The following ANXA2 variants were observed in gnomAD, a reference collection of about 807,000 sequenced individuals.
The protein encoded by ANXA2 is annexin A2.
A neutral mutation model predicts 47.3 loss-of-function variants in ANXA2; 28 were observed. That is an observed-to-expected ratio of 0.59 (90% CI 0.44 to 0.81). The LOEUF is 0.81. ANXA2 is among the 40% of genes least tolerant of loss of function. ANXA2 has a pLI of 0.00. For synonymous variants in ANXA2, 172 were observed against 155.5 expected (o/e 1.11, Z -0.79); for missense variants, 384 against 414.3 (o/e 0.93, Z 0.64).
chr15:60,376,403 G>A lies in ANXA2; in HGVS notation c.148+5939C>T, dbSNP rs1260719557. Among the ~76,000 whole-genome samples the A allele has an allele frequency of 2.6e-5, 4 of 151,756 alleles. No homozygotes were observed. The East Asian group carries it at 7.8e-4, about 29-fold the overall frequency. ...CTCAAAAAAAAAAAAAGAAGACGAC[G>A]ACGACAGATGCCATAACAGCTCACA... On this transcript the variant is annotated intron_variant, in intron 3 of 12. Transcript: ENST00000451270.
At chr15:60,356,139 A>G in intron 6 of ANXA2, 141 bp from the exon 7 acceptor site, 1 of 637,368 alleles carries the variant, frequency 1.6e-6, no homozygotes. Flanking sequence ...AACCCCAAAC[A>G]GAGGAAGGAT....
At chr15:60,353,433 A>G (rs1004705779) in intron 8 of ANXA2, among the ~76,000 whole-genome samples, 2 of 152,198 alleles carry the variant, frequency 1.3e-5, no homozygotes, top group Admixed American at 1.3e-4. Context: ...CCTGATTGGT[A>G]TGCACAGCCA....
intron 11 of ANXA2, among the ~76,000 whole-genome samples, chr15:60,349,750 G>A (rs1326085851): frequency 7.1e-6 from 1 of 141,684 alleles, no homozygotes. Flanking sequence ...GAGAAAGAAA[G>A]AGAGAAAGAA....
chr15:60,368,318 A>AAAAT (rs34762595), intron 3 of ANXA2, among the ~76,000 whole-genome samples: 16 of 65,998 alleles, frequency 2.4e-4, no homozygotes, highest in African/African-American at 5.6e-4. Flanking sequence ...TAAAAAAAAA[A>AAAAT]AATAAAATAA....
chr15:60,371,410 C>T (rs1427959493), intron 3 of ANXA2, among the ~76,000 whole-genome samples: 1 of 152,190 alleles, frequency 6.6e-6, no homozygotes, highest in African/African-American at 2.4e-5. Context: ...TGGCTGGATC[C>T]AAAACCACAA....
chr15:60,355,995 T>C lies in ANXA2; in HGVS notation c.452A>G (p.Tyr151Cys), dbSNP rs769928719. The C allele has an allele frequency of 1.6e-5, 26 of 1,613,056 alleles. No individual in the cohort carries two copies. The South Asian group carries it at 2.2e-4, about 14-fold the overall frequency. Residue 151 changes from tyrosine (Y) to cysteine (C), a missense_variant, in exon 7 of 13, where the codon TAC (tyrosine) becomes TGC (cysteine). Transcript: ENST00000451270. Reference sequence around the variant, plus strand: ...AATGTCCTTCTCCAGATCAGTCTTGTACACTTGGAGGAAAATACATCTGGT... The same window carrying C: ...AATGTCCTTCTCCAGATCAGTCTTGCACACTTGGAGGAAAATACATCTGGT... The part of the protein sequence containing the change: ...QEINRVYKEM[Y>C]KTDLEKDIIS...
At chr15:60,379,644 TG>T (rs1416950893) in intron 3 of ANXA2, among the ~76,000 whole-genome samples, 1 of 152,226 alleles carries the variant, frequency 6.6e-6, no homozygotes, top group South Asian at 2.1e-4. Context: ...GACCTGGGGA[TG>T]ACAGAACACT....
chr15:60,357,224 C>T lies in ANXA2; in HGVS notation c.370G>A (p.Asp124Asn), dbSNP rs753106303. ...LKASMKGLGTDEDSLIEIICS... is the reference protein window; with the variant it reads ...LKASMKGLGTNEDSLIEIICS... Reference sequence around the variant, plus strand: ...ATGATCTCAATGAGAGAGTCCTCGTCGGTTCCCAGCCCCTGTGAACCAGGA... The same window carrying T: ...ATGATCTCAATGAGAGAGTCCTCGTTGGTTCCCAGCCCCTGTGAACCAGGA... Residue 124 changes from aspartate to asparagine, a missense_variant, in exon 6 of 13, where the codon GAC (aspartate) becomes AAC (asparagine). Coordinates refer to ENST00000451270, the MANE Select transcript of ANXA2 (RefSeq NM_004039.3). The T allele has an allele frequency of 6.2e-6, 10 of 1,613,936 alleles. No homozygotes were observed. In the East Asian group the frequency reaches 1.1e-4, roughly 18 times the overall value.
intron 3 of ANXA2, among the ~76,000 whole-genome samples, chr15:60,372,149 C>A (rs1207989210): frequency 6.6e-6 from 1 of 151,934 alleles, no homozygotes; most frequent in East Asian, 1.9e-4. Context: ...AACTCTATCT[C>A]AAAATAATAA....
intron 3 of ANXA2, 57 bp from the exon 4 acceptor site, chr15:60,364,580 C>T: frequency 2.9e-6 from 4 of 1,376,888 alleles, no homozygotes; most frequent in Non-Finnish European, 4.0e-6. Flanking sequence ...TTTGGGCTTA[C>T]ATAGAAGGTG....
Position 60,364,538 on chromosome 15 carries a change from G to A in ANXA2, c.149-15C>T, listed in dbSNP as rs773613599. The A allele has an allele frequency of 1.3e-6, 2 of 1,597,244 alleles. No homozygotes were observed. The highest frequency in any genetic ancestry group is 2.3e-5 in the South Asian group (2 of 88,662). ...CTCATCCACACCTATGGAAATACAAGTTGTTAATCGTTACTCAGTATACTC... is the reference window on the plus strand; with the variant it reads ...CTCATCCACACCTATGGAAATACAAATTGTTAATCGTTACTCAGTATACTC... On this transcript the variant is annotated splice_polypyrimidine_tract_variant and intron_variant, in intron 3 of 12. Transcript: ENST00000451270.
chr15:60,380,051 C>G (rs2062834471), intron 3 of ANXA2, among the ~76,000 whole-genome samples: 1 of 152,150 alleles, frequency 6.6e-6, no homozygotes, highest in African/African-American at 2.4e-5. Context: ...CAATGACATG[C>G]TGGGAAACCA....
intron 7 of ANXA2, chr15:60,355,452 C>T (rs2062412798): frequency 4.2e-6 from 1 of 236,772 alleles, no homozygotes; most frequent in Admixed American, 5.3e-5. Context: ...GGAAATGCCC[C>T]TTCCTCCATG....
chr15:60,388,735 C>CTT (rs1162065382), intron 1 of ANXA2, among the ~76,000 whole-genome samples: 23 of 134,020 alleles, frequency 1.7e-4, no homozygotes, highest in Non-Finnish European at 2.3e-4. Flanking sequence ...ACACCTAGAC[C>CTT]TTTTTTTTTT....
intron 7 of ANXA2, among the ~76,000 whole-genome samples, chr15:60,354,488 G>A (rs1445890732): frequency 6.6e-6 from 1 of 151,958 alleles, no homozygotes; most frequent in Non-Finnish European, 1.5e-5. Flanking sequence ...AAATTAGCCA[G>A]GCGTGGTGGC....
rs112405715 is a variant in ANXA2, at chr15:60,380,990, C to T, written c.148+1352G>A. Among the ~76,000 whole-genome samples the T allele has an allele frequency of 3.0e-3, 454 of 151,976 alleles. 1 individual carries two copies. Among genetic ancestry groups the T allele is most frequent in the African/African-American group, 1.0e-2 (414 of 41,436 alleles). On this transcript the variant is annotated intron_variant, in intron 3 of 12. Coordinates refer to ENST00000451270, the MANE Select transcript of ANXA2 (RefSeq NM_004039.3). ...CTTGTTAGAACCATAGAACGTTAAG[C>T]GGGTTTTTCTACTCTACTTCCTGTC... is the stretch of plus-strand genomic sequence containing the variant.
At chr15:60,367,288 G>A (rs1318645096) in intron 3 of ANXA2, among the ~76,000 whole-genome samples, 37 of 125,210 alleles carry the variant, frequency 3.0e-4, no homozygotes, top group African/African-American at 8.8e-4. Flanking sequence ...CCCCCCGCCC[G>A]GCCAGCCGCC....
intron 3 of ANXA2, among the ~76,000 whole-genome samples, chr15:60,373,633 A>G (rs2062739121): frequency 6.6e-6 from 1 of 152,214 alleles, no homozygotes; most frequent in African/African-American, 2.4e-5. Flanking sequence ...AGTAGCAGCC[A>G]CAATATAGTG....
rs527371570 is a variant in ANXA2, at chr15:60,376,994, G to A, written c.148+5348C>T. On this transcript the variant is annotated intron_variant, in intron 3 of 12. Transcript: ENST00000451270. ...CACACGGCTACCCCCGTCTAGGAGAGAAAGAGGGCCAGTCATCGTCACATG... is the reference window on the plus strand; with the variant it reads ...CACACGGCTACCCCCGTCTAGGAGAAAAAGAGGGCCAGTCATCGTCACATG... Among the ~76,000 whole-genome samples, 4 of 152,360 alleles carry A rather than the reference G, an allele frequency of 2.6e-5. No individual in the cohort carries two copies. The South Asian group carries it at 8.3e-4, about 32-fold the overall frequency.
Sources: gnomAD v4.1 joint callset for allele counts (sites outside exome capture counted in the v4.1 genomes callset) on GRCh38, gnomAD v4.1.1 for gene constraint, MANE v1.5 for transcripts, NCBI Gene and HGNC (gene_info 2026-07-23, HGNC 2026-07-21) for gene names.